Variants in ZIM2 observed in about 807,000 individuals in gnomAD.
ZIM2 encodes zinc finger imprinted 2.
Under a neutral mutation model 38.6 loss-of-function variants are expected in ZIM2, and 14 were observed. The ratio of observed to expected loss-of-function variants is 0.36; its 90% confidence interval spans 0.24 to 0.57. ZIM2 has a LOEUF of 0.57. ZIM2 is among the 20% of genes least tolerant of loss of function. ZIM2 has a pLI of 0.81. For synonymous variants in ZIM2, 247 were observed against 245.8 expected (o/e 1.00, Z -0.04); for missense variants, 680 against 695.1 (o/e 0.98, Z 0.24).
In ZIM2 at chr19:56,774,561, T is replaced by TTA. The variant is rs1555787294; in HGVS notation, c.*126_*127insTA. The stretch of plus-strand genomic sequence containing the variant: ...AAAATTGCAACTTTTTTTTTTTTTT[T>TTA]ACCACACTTTGATGAATGTTCAAGT... On this transcript the variant is annotated 3_prime_UTR_variant, in exon 13 of 13. Transcript: ENST00000629319. The TTA allele has an allele frequency of 1.1e-3, 1,523 of 1,390,432 alleles. No homozygotes were observed. Among genetic ancestry groups the TTA allele is most frequent in the Non-Finnish European group, 1.3e-3 (1,406 of 1,047,758 alleles). The allele number at this position is 1,390,432 out of a possible 1,614,324, so 86.1% of individuals were successfully genotyped here.
intron 9 of ZIM2, chr19:56,812,802 C>T (rs750542398): frequency 3.0e-4 from 292 of 959,568 alleles, no homozygotes; most frequent in Non-Finnish European, 3.3e-4. Flanking sequence ...TATCATCAAA[C>T]ACATATTGAG....
chr19:56,829,299 G>A lies in ZIM2; in HGVS notation c.-226-2836C>T, dbSNP rs142372478. ...GCAGAGGTTGCAGTGAGCCAAAATC[G>A]CACCACTGCGCTCCAGCCTGGGCAA... On this transcript the variant is annotated intron_variant, in intron 2 of 12. Coordinates refer to ENST00000629319, the MANE Select transcript of ZIM2 (RefSeq NM_001387356.1). 2.8e-3 allele frequency among the ~76,000 whole-genome samples: 397 copies of A among 142,088 alleles called. 1 individual carries two copies. Among genetic ancestry groups the A allele is most frequent in the African/African-American group, 9.7e-3 (369 of 38,096 alleles). 93.2% of individuals were successfully genotyped at this position (142,088 alleles called of 152,430 possible).
chr19:56,805,143 T>C (rs2047695779), intron 9 of ZIM2, among the ~76,000 whole-genome samples: 1 of 152,204 alleles, frequency 6.6e-6, no homozygotes, highest in Admixed American at 6.5e-5. Context: ...GTGGGGACAC[T>C]GTCGTGTGCA....
At chr19:56,827,642 T>C (rs2061174859) in intron 2 of ZIM2, among the ~76,000 whole-genome samples, 1 of 152,222 alleles carries the variant, frequency 6.6e-6, no homozygotes, top group South Asian at 2.1e-4. Flanking sequence ...CTTCTATGAA[T>C]TTACCTCAGA....
chr19:56,826,678 A>C (rs1171790234), intron 2 of ZIM2, among the ~76,000 whole-genome samples: 1 of 152,204 alleles, frequency 6.6e-6, no homozygotes, highest in Non-Finnish European at 1.5e-5. Flanking sequence ...AAACCAGAAC[A>C]AGTCAAAAAC....
At chr19:56,811,741 T>C (rs1003233655) in intron 9 of ZIM2, 4 of 985,544 alleles carry the variant, frequency 4.1e-6, no homozygotes, top group Admixed American at 6.1e-5. Context: ...CCAACCTCAG[T>C]CCTTCCTATG....
At chr19:56,817,870 T>G (rs1411032206) in intron 8 of ZIM2, 32 bp from the exon 9 acceptor site, 2 of 1,561,772 alleles carry the variant, frequency 1.3e-6, no homozygotes, top group Non-Finnish European at 1.8e-6. Context: ...TGCCTCAAAT[T>G]CAAGTTGAGG....
intron 2 of ZIM2, among the ~76,000 whole-genome samples, chr19:56,832,937 A>G (rs1174640083): frequency 6.6e-6 from 1 of 152,202 alleles, no homozygotes; most frequent in Non-Finnish European, 1.5e-5. Context: ...CATTAAAATG[A>G]GTAGGAAATA....
intron 9 of ZIM2, among the ~76,000 whole-genome samples, chr19:56,807,291 C>T (rs1428088769): frequency 2.6e-5 from 4 of 152,158 alleles, no homozygotes; most frequent in Non-Finnish European, 4.4e-5. Context: ...AAATGACCAA[C>T]GTATCCCTTT....
intron 9 of ZIM2, among the ~76,000 whole-genome samples, chr19:56,809,920 T>A (rs2047992355): frequency 6.6e-6 from 1 of 152,192 alleles, no homozygotes; most frequent in Admixed American, 6.5e-5. Context: ...TAAAAATCCC[T>A]TAGAAGTAAT....
rs2045944169 is a variant in ZIM2 at position 56,775,354 on chromosome 19, G to C, written c.1011C>G (p.Pro337=). 1 of 1,613,996 alleles carries C rather than the reference G, an allele frequency of 6.2e-7. No homozygotes were observed. Among genetic ancestry groups the C allele is most frequent in the African/African-American group, 1.3e-5 (1 of 74,888 alleles). ...ATATTCCAGGAGCAGTGCCTTCCTGGGGATCCTTTCCTAGAGGATCCTTTG... is the reference window on the plus strand; with the variant it reads ...ATATTCCAGGAGCAGTGCCTTCCTGCGGATCCTTTCCTAGAGGATCCTTTG... The part of the protein sequence containing the change: ...KQSKDPLGKD[P]QEGTAPGICT... Residue 337 remains proline (P), a synonymous_variant, in exon 13 of 13, where the codon CCC becomes CCG. Transcript: ENST00000629319.
At chr19:56,779,205 A>G (rs1209238059) in intron 12 of ZIM2, among the ~76,000 whole-genome samples, 172 bp downstream of exon 12, 1 of 152,074 alleles carries the variant, frequency 6.6e-6, no homozygotes, top group Non-Finnish European at 1.5e-5. Flanking sequence ...TAAGCAGGAG[A>G]GGAGCTCATG....
intron 9 of ZIM2, among the ~76,000 whole-genome samples, chr19:56,800,934 CT>C (rs776316373): frequency 0.023 from 3,141 of 135,968 alleles, 51 homozygotes; most frequent in African/African-American, 0.065. Context: ...GATGGTATTA[CT>C]TTTTTTTTTT....
At chr19:56,824,661 T>C (rs752208145) in intron 3 of ZIM2, 1 of 1,585,336 alleles carries the variant, frequency 6.3e-7, no homozygotes, top group Admixed American at 1.8e-5. Flanking sequence ...AGCATTTCTC[T>C]AAGTAAAATT....
chr19:56,817,704 A>G (rs111436799), intron 9 of ZIM2, 42 bp downstream of exon 9: 1 of 1,579,642 alleles, frequency 6.3e-7, no homozygotes, highest in Non-Finnish European at 8.7e-7. Context: ...ATAGCATCTC[A>G]CTGGTTGTGT....
intron 11 of ZIM2, among the ~76,000 whole-genome samples, chr19:56,781,433 T>C (rs1364087785): frequency 6.6e-6 from 1 of 152,224 alleles, no homozygotes; most frequent in African/African-American, 2.4e-5. Context: ...CTCAAGCCAG[T>C]AGAAGTCTTT....
chr19:56,795,107 T>C (rs995389393), intron 9 of ZIM2, among the ~76,000 whole-genome samples: 1 of 151,948 alleles, frequency 6.6e-6, no homozygotes, highest in African/African-American at 2.4e-5. Context: ...CAGGCTGGAG[T>C]GCAGTGGCGC....
chr19:56,802,252 T>C (rs187055531), intron 9 of ZIM2, among the ~76,000 whole-genome samples: 4 of 152,196 alleles, frequency 2.6e-5, no homozygotes, highest in Middle Eastern at 3.4e-3. Flanking sequence ...GACTTCTTGG[T>C]CAACACAGGG....
At chr19:56,789,261 C>A (rs28680580) in intron 10 of ZIM2, among the ~76,000 whole-genome samples, 3 of 152,038 alleles carry the variant, frequency 2.0e-5, no homozygotes, top group Admixed American at 6.6e-5. Flanking sequence ...ATTTGTAGTT[C>A]ATCTAAAATT....
Sources: allele counts gnomAD v4.1 joint callset (sites outside exome capture counted in the v4.1 genomes callset), GRCh38; gene constraint gnomAD v4.1.1; transcripts MANE v1.5; gene names NCBI Gene and HGNC (gene_info 2026-07-23, HGNC 2026-07-21).